The following GRID2 variants were observed in gnomAD, a reference collection of about 807,000 sequenced individuals.
GRID2 encodes the protein glutamate receptor ionotropic, delta-2.
A neutral mutation model predicts 114.8 loss-of-function variants in GRID2; 33 were observed. The observed-to-expected ratio is 0.29, with a 90% CI of 0.22 to 0.38. The LOEUF (loss-of-function observed/expected upper bound fraction) is 0.38. Among genes scored for constraint, GRID2 ranks in the 10% least tolerant of loss-of-function variants. The pLI is 1.00. For missense variants in GRID2, 1,184 were observed against 1,257.7 expected, an observed-to-expected ratio of 0.94 and a Z score of 0.89; for synonymous variants, 505 against 449.9, an observed-to-expected ratio of 1.12 and a Z score of -1.55.
intron 2 of GRID2, among the ~76,000 whole-genome samples, chr4:93,066,141 AC>A (rs1728271150): frequency 6.6e-6 from 1 of 151,928 alleles, no homozygotes; most frequent in Non-Finnish European, 1.5e-5. Context: ...TACACATGTA[AC>A]CAGCACACCG....
chr4:93,180,408 G>C (rs989181851), intron 4 of GRID2, among the ~76,000 whole-genome samples: 8 of 152,166 alleles, frequency 5.3e-5, no homozygotes, highest in African/African-American at 1.9e-4. Flanking sequence ...TGCTGATGAA[G>C]AGTCTTGCCA....
At chr4:93,588,068 A>G (rs1301255069) in intron 13 of GRID2, among the ~76,000 whole-genome samples, 1 of 152,168 alleles carries the variant, frequency 6.6e-6, no homozygotes, top group African/African-American at 2.4e-5. Context: ...AAATGTTAAC[A>G]TGTAAGGTAG....
At chr4:93,697,880 T>TATATATATATATATATATA (rs1208336606) in intron 14 of GRID2, among the ~76,000 whole-genome samples, 10 of 147,808 alleles carry the variant, frequency 6.8e-5, no homozygotes, top group East Asian at 4.1e-4. Context: ...TATATATATA[T>TATATATATATATATATATA]TTCAAAACAA....
intron 1 of GRID2, among the ~76,000 whole-genome samples, chr4:92,499,142 T>C (rs4527446): frequency 0.41 from 62,650 of 151,706 alleles, 14,122 homozygotes; most frequent in African/African-American, 0.6. Context: ...TTTACATTTT[T>C]CCTTTTTTCT....
At chr4:93,430,930 C>A (rs1769350686) in intron 10 of GRID2, among the ~76,000 whole-genome samples, 1 of 152,140 alleles carries the variant, frequency 6.6e-6, no homozygotes, top group Admixed American at 6.5e-5. Flanking sequence ...AGGTTAGAAA[C>A]AGCATGGAAA....
chr4:92,916,376 A>G (rs549144044), intron 2 of GRID2, among the ~76,000 whole-genome samples: 2 of 152,146 alleles, frequency 1.3e-5, no homozygotes. Flanking sequence ...TTTTTAAATT[A>G]TACTTTAAGA....
At chr4:92,981,594 G>A (rs1754218657) in intron 2 of GRID2, among the ~76,000 whole-genome samples, 1 of 151,976 alleles carries the variant, frequency 6.6e-6, no homozygotes, top group South Asian at 2.1e-4. Context: ...AAAAGTTAAT[G>A]CAGTTTCTCA....
At chr4:92,761,292 T>C (rs1018616082) in intron 2 of GRID2, among the ~76,000 whole-genome samples, 10 of 152,202 alleles carry the variant, frequency 6.6e-5, no homozygotes, top group Non-Finnish European at 1.5e-4. Context: ...TCCTTTTGCA[T>C]AGGTTGTTAC....
rs201157146 is a variant in GRID2, at chr4:92,673,983, AAAAT to A, written c.244+83705_244+83708del. On this transcript the variant is annotated intron_variant, in intron 2 of 15. Coordinates refer to ENST00000282020, the MANE Select transcript of GRID2 (RefSeq NM_001510.4). ...AGAACTTAAAGTATAATAAAAATAA[AAAAT>A]AAATAAAAAAAGAAGGCAGTTGACA... Among the ~76,000 whole-genome samples, 355 of 151,048 alleles carry A rather than the reference AAAAT, an allele frequency of 2.4e-3. 1 individual carries two copies. Among genetic ancestry groups the A allele is most frequent in the Middle Eastern group, 3.4e-3 (1 of 292 alleles).
chr4:93,086,681 G>A (rs1373336265), intron 3 of GRID2, among the ~76,000 whole-genome samples: 1 of 152,110 alleles, frequency 6.6e-6, no homozygotes, highest in Non-Finnish European at 1.5e-5. Context: ...ACAGAACAAA[G>A]TCTAAGAGAC....
intron 13 of GRID2, among the ~76,000 whole-genome samples, chr4:93,537,653 GA>G: frequency 6.6e-6 from 1 of 151,874 alleles, no homozygotes; most frequent in Middle Eastern, 3.4e-3. Context: ...TGATTGAAAG[GA>G]AATTGCAGAA....
At chr4:93,491,798 G>A (rs551944609) in intron 12 of GRID2, among the ~76,000 whole-genome samples, 1 of 151,796 alleles carries the variant, frequency 6.6e-6, no homozygotes, top group South Asian at 2.1e-4. Flanking sequence ...AACTATTATA[G>A]CATAATACCA....
intron 9 of GRID2, among the ~76,000 whole-genome samples, chr4:93,419,802 A>C (rs561852509): frequency 5.3e-5 from 8 of 152,246 alleles, no homozygotes; most frequent in Admixed American, 2.0e-4. Context: ...AAGTCATTTC[A>C]AGAAAGAAAT....
chr4:93,125,093 A>G (rs997048285), intron 4 of GRID2, among the ~76,000 whole-genome samples: 3 of 151,966 alleles, frequency 2.0e-5, no homozygotes, highest in Non-Finnish European at 1.5e-5. Context: ...AGATACCTAA[A>G]TCTTTCACAT....
At chr4:93,147,591 A>G (rs1267393612) in intron 4 of GRID2, among the ~76,000 whole-genome samples, 2 of 152,192 alleles carry the variant, frequency 1.3e-5, no homozygotes, top group Non-Finnish European at 2.9e-5. Flanking sequence ...AGAGGACATT[A>G]AGGCTGCTTG....
chr4:92,548,428 G>T (rs1210997303), intron 1 of GRID2, among the ~76,000 whole-genome samples: 1 of 9,576 alleles, frequency 1.0e-4, no homozygotes, highest in African/African-American at 5.5e-4. Context: ...TTGAGACAGA[G>T]TCTTGTTCTG....
chr4:93,680,999 T>G (rs1029822557), intron 14 of GRID2, among the ~76,000 whole-genome samples: 1 of 151,462 alleles, frequency 6.6e-6, no homozygotes, highest in African/African-American at 2.4e-5. Flanking sequence ...TGTCCCTGTT[T>G]GCAGATGACA....
chr4:92,581,606 A>G (rs972023029), intron 1 of GRID2, among the ~76,000 whole-genome samples: 1 of 152,142 alleles, frequency 6.6e-6, no homozygotes, highest in Non-Finnish European at 1.5e-5. Flanking sequence ...TAGAATGAAG[A>G]ATCCCTTTGA....
At chr4:93,436,741 G>A (rs1186461434) in intron 10 of GRID2, among the ~76,000 whole-genome samples, 1 of 152,050 alleles carries the variant, frequency 6.6e-6, no homozygotes. Context: ...ATGGTGACTT[G>A]TTTGTGTCAC....
Sources: allele counts gnomAD v4.1 joint callset (sites outside exome capture counted in the v4.1 genomes callset), GRCh38; gene constraint gnomAD v4.1.1; transcripts MANE v1.5; gene names NCBI Gene and HGNC (gene_info 2026-07-23, HGNC 2026-07-21).